The following ZNF320 variants were observed in gnomAD, a reference collection of about 807,000 sequenced individuals.
ZNF320 encodes the protein zinc finger protein 320, also known as zinc finger gene 320.
In ZNF320, 2 loss-of-function variants were observed where a neutral mutation model predicts 6.8. The ratio of observed to expected loss-of-function variants is 0.29; its 90% CI spans 0.12 to 0.93. The LOEUF (loss-of-function observed/expected upper bound fraction) is 0.93, where lower values mean the gene tolerates loss of function less well. Among genes scored for constraint, ZNF320 ranks in the 40% least tolerant of loss-of-function variants. The pLI, the probability that ZNF320 is intolerant of heterozygous loss-of-function variation, is 0.55. For synonymous variants in ZNF320, 208 were observed against 203.2 expected, an observed-to-expected ratio of 1.02 and a Z score of -0.20; for missense variants, 472 against 611.0, an observed-to-expected ratio of 0.77 and a Z score of 2.40.
intron 3 of ZNF320, among the ~76,000 whole-genome samples, chr19:52,890,563 C>T (rs2064255208): frequency 6.6e-6 from 1 of 152,182 alleles, no homozygotes. Context: ...AGGGCACAGA[C>T]TCAGACCTAA....
chr19:52,874,808 A>C (rs1474713845), downstream of ZNF320, among the ~76,000 whole-genome samples: 1 of 152,198 alleles, frequency 6.6e-6, no homozygotes, highest in Non-Finnish European at 1.5e-5. Context: ...ACAAAGACTT[A>C]GGGAAGAAAC....
At chr19:52,890,537 G>A (rs2064253990) in intron 3 of ZNF320, among the ~76,000 whole-genome samples, 1 of 152,126 alleles carries the variant, frequency 6.6e-6, no homozygotes, top group Non-Finnish European at 1.5e-5. Flanking sequence ...AGCTGGGCTG[G>A]GATGAGCTCC....
chr19:52,882,118 A>G, intron 5 of ZNF320, 135 bp from the exon 6 acceptor site: 2 of 879,488 alleles, frequency 2.3e-6, no homozygotes, highest in Non-Finnish European at 3.3e-6. Flanking sequence ...TTAGGAACAC[A>G]AAACAAGTAA....
chr19:52,864,076 G>A lies in ZNF320; in HGVS notation c.307C>T (p.Gln103Ter). 4.2e-6 allele frequency: 2 copies of A among 480,562 alleles called. No homozygotes were observed. The highest frequency in any genetic ancestry group is 2.4e-5 in the Admixed American group (1 of 41,338). 29.8% of individuals were successfully genotyped at this position (480,562 alleles called of 1,614,324 possible). A position where few individuals can be genotyped will look rare whatever the true frequency, so the allele number is the denominator to read the frequency against. The change falls in exon 6 of 6, where the codon CAG becomes TAG. Residue 103 changes from glutamine to a stop codon, truncating the protein, a stop_gained. Transcript: ENST00000673631. LOFTEE classifies it low-confidence loss of function (END_TRUNC). ...TGTAGTTCTCCCACATCACAGCCCT[G>A]TATAAAGCGTTCTGTGCAGGGTCCA...
chr19:52,875,007 G>C (rs1324778973), downstream of ZNF320, among the ~76,000 whole-genome samples: 1 of 152,160 alleles, frequency 6.6e-6, no homozygotes, highest in Non-Finnish European at 1.5e-5. Flanking sequence ...CAGATCTGCA[G>C]GGATGAGGCC....
intron 5 of ZNF320, among the ~76,000 whole-genome samples, chr19:52,884,809 T>TCAACATCAC (rs1381501014): frequency 5.3e-5 from 8 of 152,314 alleles, no homozygotes; most frequent in African/African-American, 1.7e-4. Flanking sequence ...CATCTCATCA[T>TCAACATCAC]CAACATCACC....
At position 52,876,605 on chromosome 19, in the gene ZNF320, C is replaced by G. The variant is rs2147795947; in HGVS notation, c.*3991G>C. ...CTCCGCCTCCCGAATTCAAGCCATTCTTCTGCCTCACCCTCCTGAATAGCT... is the reference window on the plus strand; with the variant it reads ...CTCCGCCTCCCGAATTCAAGCCATTGTTCTGCCTCACCCTCCTGAATAGCT... On this transcript the variant is annotated 3_prime_UTR_variant, in exon 6 of 6. Transcript: ENST00000682928. 2 of 152,288 alleles carry G rather than the reference C, an allele frequency of 1.3e-5. No individual in the cohort carries two copies. The highest frequency in any genetic ancestry group is 1.3e-4 in the Admixed American group (2 of 15,288). 9.4% of individuals were successfully genotyped at this position (152,288 alleles called of 1,614,324 possible).
At chr19:52,864,116 A>G in exon 6 of ZNF320, 1 of 331,054 alleles carries the variant, frequency 3.0e-6, no homozygotes, top group Non-Finnish European at 6.0e-6. Context: ...TTTCCACTCC[A>G]GCAAAGAGAA....
Position 52,880,482 on chromosome 19 carries a change from T to G in ZNF320, c.*114A>C. ...TCTCAAAGTGCTGGGATTACAGGTGTGAGACACCACGCCTGGCCCAATCCT... is the reference window on the plus strand; with the variant it reads ...TCTCAAAGTGCTGGGATTACAGGTGGGAGACACCACGCCTGGCCCAATCCT... On this transcript the variant is annotated 3_prime_UTR_variant, in exon 6 of 6. Transcript: ENST00000682928. 8.3e-5 allele frequency: 90 copies of G among 1,082,850 alleles called. No individual in the cohort carries two copies. The highest frequency in any genetic ancestry group is 1.1e-4 in the Non-Finnish European group (83 of 760,216). 67.1% of individuals were successfully genotyped at this position (1,082,850 alleles called of 1,614,324 possible).
downstream of ZNF320, among the ~76,000 whole-genome samples, chr19:52,860,070 G>A (rs1416883043): frequency 6.6e-6 from 1 of 151,866 alleles, no homozygotes; most frequent in Admixed American, 6.6e-5. Context: ...CCGCCACCAC[G>A]CCCGGCTAAT....
upstream of ZNF320, among the ~76,000 whole-genome samples, chr19:52,900,605 T>C (rs1320498557): frequency 6.6e-6 from 1 of 152,210 alleles, no homozygotes; most frequent in African/African-American, 2.4e-5. Context: ...TATTTCATCA[T>C]AGAAAGCCTG....
intron 5 of ZNF320, chr19:52,883,623 G>T: frequency 8.8e-6 from 4 of 455,468 alleles, no homozygotes; most frequent in Non-Finnish European, 1.8e-5. Context: ...CTAATGGCCG[G>T]CCACGGTGGC....
At chr19:52,887,993 C>A in intron 5 of ZNF320, 134 bp downstream of exon 5, 1 of 1,433,678 alleles carries the variant, frequency 7.0e-7, no homozygotes, top group Non-Finnish European at 9.4e-7. Flanking sequence ...GATGCTACAT[C>A]ATGAAGCTTT....
exon 6 of ZNF320, chr19:52,862,757 G>A: frequency 5.3e-6 from 2 of 378,668 alleles, no homozygotes; most frequent in South Asian, 4.7e-5. Flanking sequence ...ACATTTGTAT[G>A]GCTTCTCCAG....
rs1037096339 is a variant in ZNF320 at position 52,880,402 on chromosome 19, T to C, written c.*194A>G. 5 of 506,742 alleles carry C rather than the reference T, an allele frequency of 9.9e-6. No homozygotes were observed. The highest frequency in any genetic ancestry group is 5.9e-5 in the African/African-American group (3 of 50,816). The allele number at this position is 506,742 out of a possible 1,614,324, so 31.4% of individuals were successfully genotyped here. On this transcript the variant is annotated 3_prime_UTR_variant, in exon 6 of 6. Transcript: ENST00000682928. ...CAGGCTGGGAAAAGTGGCTCCCGTC[T>C]GTTGGCCAGGCTGGTCTCAAATTCA...
At position 52,877,273 on chromosome 19, in the gene ZNF320, C is replaced by A. The variant is rs1432263258; in HGVS notation, c.*3323G>T. The A allele has an allele frequency of 1.3e-5, 2 of 152,282 alleles. No homozygotes were observed. Among genetic ancestry groups the A allele is most frequent in the Non-Finnish European group, 2.9e-5 (2 of 68,046 alleles). 9.4% of individuals were successfully genotyped at this position (152,282 alleles called of 1,614,324 possible). A position where few individuals can be genotyped will look rare whatever the true frequency, so the allele number is the denominator to read the frequency against. On this transcript the variant is annotated 3_prime_UTR_variant, in exon 6 of 6. Transcript: ENST00000682928. Reference sequence around the variant, plus strand: ...CAGACACACGAGACAGCAATCAGTACATATATACATTGGTCCGGTCTGGAA... The same window carrying A: ...CAGACACACGAGACAGCAATCAGTAAATATATACATTGGTCCGGTCTGGAA...
chr19:52,891,170 A>C (rs1464811781), intron 3 of ZNF320, 59 bp downstream of exon 3: 1 of 152,046 alleles, frequency 6.6e-6, no homozygotes, highest in Non-Finnish European at 1.5e-5. Flanking sequence ...AAATAAAATA[A>C]AATAAAACAA....
chr19:52,884,264 G>A (rs1433415232), intron 5 of ZNF320, among the ~76,000 whole-genome samples: 2 of 151,984 alleles, frequency 1.3e-5, no homozygotes, highest in South Asian at 2.1e-4. Flanking sequence ...TCTTCAGATC[G>A]AGTCACGCTC....
rs761014009 is a variant in ZNF320, at chr19:52,880,833, A to G, written c.1293T>C (p.His431=). Residue 431 remains histidine, a synonymous_variant, in exon 6 of 6, where the codon CAT becomes CAC. Coordinates refer to ENST00000682928, the MANE Select transcript of ZNF320 (RefSeq NM_001351774.2). ...GTTTCTCTCCTGTATGAATCCTCCT[A>G]TGTCTTTCAAGGTGTGATTTGCGAA... The part of the protein sequence containing the change: ...VYIRKSHLER[H]RRIHTGEKPH... The G allele has an allele frequency of 6.8e-6, 11 of 1,613,840 alleles. No individual in the cohort carries two copies. Among genetic ancestry groups the G allele is most frequent in the African/African-American group, 2.7e-5 (2 of 74,918 alleles).
Sources: gnomAD v4.1 joint callset for allele counts (sites outside exome capture counted in the v4.1 genomes callset) on GRCh38, gnomAD v4.1.1 for gene constraint, MANE v1.5 for transcripts, NCBI Gene and HGNC (gene_info 2026-07-23, HGNC 2026-07-21) for gene names.